The following CLASP1 variants were observed in gnomAD, a reference collection of about 807,000 sequenced individuals.
CLASP1 encodes the protein CLIP-associating protein 1.
CLASP1 carries 38 observed loss-of-function variants against 192.3 expected under a neutral mutation model. The ratio of observed to expected loss-of-function variants is 0.20; its 90% CI spans 0.15 to 0.26. CLASP1 has a LOEUF of 0.26. CLASP1 is among the 10% of genes least tolerant of loss of function. The probability of loss-of-function intolerance (pLI) is 1.00; values close to 1 mark genes in which losing one functional copy is unlikely to be tolerated. For missense variants in CLASP1, 1,433 were observed against 1,932.5 expected (o/e 0.74, Z 4.85); for synonymous variants, 691 against 712.8 (o/e 0.97, Z 0.49).
intron 2 of CLASP1, among the ~76,000 whole-genome samples, chr2:121,574,765 T>C (rs981900009): frequency 2.6e-5 from 4 of 151,946 alleles, no homozygotes; most frequent in Admixed American, 1.3e-4. Context: ...GATGAAACCC[T>C]GTCTCTACTA....
intron 1 of CLASP1, among the ~76,000 whole-genome samples, chr2:121,646,715 T>A (rs2073229207): frequency 6.6e-6 from 1 of 152,070 alleles, no homozygotes; most frequent in African/African-American, 2.4e-5. Flanking sequence ...ACTAAGCTAC[T>A]TAAGAAAATA....
At chr2:121,356,933 G>A (rs1205374012) in intron 37 of CLASP1, among the ~76,000 whole-genome samples, 6 of 145,184 alleles carry the variant, frequency 4.1e-5, no homozygotes, top group African/African-American at 1.4e-4. Context: ...AGGAGGTGGT[G>A]TGTCCTGCTG....
At chr2:121,504,707 C>T (rs2093884853) in intron 7 of CLASP1, among the ~76,000 whole-genome samples, 1 of 152,228 alleles carries the variant, frequency 6.6e-6, no homozygotes, top group African/African-American at 2.4e-5. Context: ...CAAAATTACA[C>T]ATCAGCAAAT....
At chr2:121,450,745 T>G (rs971547073) in intron 16 of CLASP1, among the ~76,000 whole-genome samples, 168 bp downstream of exon 16, 3 of 152,196 alleles carry the variant, frequency 2.0e-5, no homozygotes, top group Non-Finnish European at 2.9e-5. Context: ...TGAGTGATGT[T>G]ATTAAAAAAA....
At chr2:121,408,544 T>C (rs2077237061) in intron 24 of CLASP1, among the ~76,000 whole-genome samples, 1 of 152,226 alleles carries the variant, frequency 6.6e-6, no homozygotes, top group Admixed American at 6.5e-5. Flanking sequence ...ATATACTTCT[T>C]TAATAATATG....
intron 6 of CLASP1, among the ~76,000 whole-genome samples, chr2:121,516,354 T>C (rs956555221): frequency 6.6e-6 from 1 of 152,222 alleles, no homozygotes; most frequent in Admixed American, 6.5e-5. Flanking sequence ...TGTCAAGGGA[T>C]GCCATATGAG....
intron 37 of CLASP1, among the ~76,000 whole-genome samples, chr2:121,359,338 G>A (rs72967304): frequency 0.039 from 5,864 of 152,240 alleles, 158 homozygotes; most frequent in East Asian, 0.14. Flanking sequence ...TGAAACTGGG[G>A]ACAGCTGGAC....
intron 7 of CLASP1, among the ~76,000 whole-genome samples, chr2:121,512,720 G>C (rs1214099544): frequency 6.6e-6 from 1 of 152,174 alleles, no homozygotes; most frequent in African/African-American, 2.4e-5. Context: ...CTGCGAAATG[G>C]ACAAAGAAAA....
chr2:121,348,844 G>C (rs565995681), intron 37 of CLASP1, 126 bp from the exon 39 acceptor site: 2 of 865,690 alleles, frequency 2.3e-6, no homozygotes, highest in Middle Eastern at 3.5e-4. Context: ...CCATTGCTTC[G>C]CCTGGCTCAA....
At chr2:121,649,140 C>T (rs57455803) in intron 1 of CLASP1, among the ~76,000 whole-genome samples, 1 of 152,176 alleles carries the variant, frequency 6.6e-6, no homozygotes, top group East Asian at 1.9e-4. Context: ...TCCCCTCCCT[C>T]TGCAAAGCAG....
chr2:121,523,488 A>C (rs1206933613), intron 6 of CLASP1, among the ~76,000 whole-genome samples: 1 of 152,202 alleles, frequency 6.6e-6, no homozygotes, highest in Non-Finnish European at 1.5e-5. Flanking sequence ...GGAACTTTTA[A>C]GTGAGACCTC....
chr2:121,416,449 G>C (rs2078596511), intron 23 of CLASP1, among the ~76,000 whole-genome samples: 1 of 152,144 alleles, frequency 6.6e-6, no homozygotes, highest in South Asian at 2.1e-4. Context: ...GGCTACGTAA[G>C]TGGATTCAAA....
At chr2:121,386,156 A>G (rs2073145511) in intron 32 of CLASP1, among the ~76,000 whole-genome samples, 1 of 152,250 alleles carries the variant, frequency 6.6e-6, no homozygotes, top group Non-Finnish European at 1.5e-5. Context: ...GAGATTCTTG[A>G]TCATTTAAAA....
intron 24 of CLASP1, among the ~76,000 whole-genome samples, chr2:121,408,495 T>C (rs1379395868): frequency 6.6e-6 from 1 of 152,218 alleles, no homozygotes; most frequent in Non-Finnish European, 1.5e-5. Context: ...ACAAAATTGA[T>C]AAAAACAAAA....
At chr2:121,642,143 C>T (rs577274179) in intron 1 of CLASP1, among the ~76,000 whole-genome samples, 13 of 151,838 alleles carry the variant, frequency 8.6e-5, no homozygotes, top group African/African-American at 2.9e-4. Flanking sequence ...ACTACTCAGA[C>T]ACAGTGGCTC....
intron 9 of CLASP1, among the ~76,000 whole-genome samples, chr2:121,467,135 T>C (rs779022355): frequency 1.3e-5 from 2 of 152,198 alleles, no homozygotes; most frequent in African/African-American, 4.8e-5. Context: ...TCCATGTCCC[T>C]GCAAAGGACA....
At chr2:121,414,986 G>T (rs2078322776) in intron 23 of CLASP1, among the ~76,000 whole-genome samples, 1 of 151,894 alleles carries the variant, frequency 6.6e-6, no homozygotes, top group Admixed American at 6.6e-5. Context: ...TCCCTATGTT[G>T]CCTGGCTGGT....
chr2:121,492,850 A>G (rs2093379804), intron 8 of CLASP1, among the ~76,000 whole-genome samples: 1 of 152,132 alleles, frequency 6.6e-6, no homozygotes, highest in African/African-American at 2.4e-5. Flanking sequence ...AAAGAACTGA[A>G]AACAGGTGTT....
intron 6 of CLASP1, among the ~76,000 whole-genome samples, chr2:121,517,532 C>G (rs1189655185): frequency 6.6e-6 from 1 of 152,094 alleles, no homozygotes; most frequent in Non-Finnish European, 1.5e-5. Flanking sequence ...CCCTAACTCT[C>G]CAACATATTT....
Sources: gnomAD v4.1 joint callset for allele counts (sites outside exome capture counted in the v4.1 genomes callset) on GRCh38, gnomAD v4.1.1 for gene constraint, MANE v1.5 for transcripts, NCBI Gene and HGNC (gene_info 2026-07-23, HGNC 2026-07-21) for gene names.